Variants in LSAMP observed in about 807,000 individuals in gnomAD.
The protein encoded by LSAMP is limbic system associated membrane protein.
In LSAMP, 7 loss-of-function variants were observed where a neutral mutation model predicts 38.6. That is an observed-to-expected ratio of 0.18 (90% CI 0.10 to 0.34). LSAMP has a LOEUF of 0.34. LSAMP is among the 10% of genes least tolerant of loss of function. LSAMP has a pLI of 1.00. For synonymous variants in LSAMP, 154 were observed against 166.8 expected (o/e 0.92, Z 0.59); for missense variants, 313 against 420.0 (o/e 0.75, Z 2.23).
chr3:116,356,404 G>A (rs772177212), intron 1 of LSAMP, among the ~76,000 whole-genome samples: 1 of 152,178 alleles, frequency 6.6e-6, no homozygotes, highest in African/African-American at 2.4e-5. Context: ...ATAGAGAATA[G>A]AATGATGGTT....
At chr3:116,131,669 C>G (rs1471292148) in intron 1 of LSAMP, among the ~76,000 whole-genome samples, 1 of 152,038 alleles carries the variant, frequency 6.6e-6, no homozygotes, top group Non-Finnish European at 1.5e-5. Flanking sequence ...TTTCTTTTCA[C>G]TTACACAAAC....
chr3:116,444,498 C>A (rs35192256), intron 1 of LSAMP, among the ~76,000 whole-genome samples: 1 of 150,602 alleles, frequency 6.6e-6, no homozygotes, highest in Non-Finnish European at 1.5e-5. Context: ...AATTAAGGAC[C>A]CCCAACAAAA....
At chr3:116,368,949 G>C (rs1475971674) in intron 1 of LSAMP, among the ~76,000 whole-genome samples, 6 of 152,126 alleles carry the variant, frequency 3.9e-5, no homozygotes, top group Non-Finnish European at 7.4e-5. Flanking sequence ...TTGGTAAATA[G>C]AAATGAGATT....
chr3:115,871,504 A>C (rs562010208), intron 3 of LSAMP, among the ~76,000 whole-genome samples: 1 of 152,230 alleles, frequency 6.6e-6, no homozygotes, highest in East Asian at 1.9e-4. Context: ...CTGAAATGAA[A>C]GATACAAAGA....
At chr3:116,137,638 C>T (rs984406559) in intron 1 of LSAMP, among the ~76,000 whole-genome samples, 1 of 152,008 alleles carries the variant, frequency 6.6e-6, no homozygotes, top group South Asian at 2.1e-4. Flanking sequence ...TTTATGGCTA[C>T]CCCAGCTAAT....
intron 1 of LSAMP, among the ~76,000 whole-genome samples, chr3:116,166,815 C>T (rs1188323334): frequency 7.6e-5 from 9 of 118,846 alleles, no homozygotes; most frequent in Admixed American, 3.2e-4. Flanking sequence ...GAGACGGAGT[C>T]TCACTCTGTC....
intron 3 of LSAMP, among the ~76,000 whole-genome samples, chr3:115,899,314 CTGTT>C (rs1936810407): frequency 6.6e-6 from 1 of 152,004 alleles, no homozygotes; most frequent in South Asian, 2.1e-4. Context: ...TCTTTAACAC[CTGTT>C]TGTTTCAGAG....
chr3:115,890,849 G>A (rs980078286), intron 3 of LSAMP, among the ~76,000 whole-genome samples: 2 of 151,762 alleles, frequency 1.3e-5, no homozygotes, highest in Non-Finnish European at 2.9e-5. Context: ...ATTCATCCTA[G>A]ATATATAGAG....
At chr3:116,099,675 C>T (rs1040204838) in intron 1 of LSAMP, among the ~76,000 whole-genome samples, 3 of 152,118 alleles carry the variant, frequency 2.0e-5, no homozygotes, top group Non-Finnish European at 4.4e-5. Context: ...AAGTATTTGT[C>T]CTATGTAACC....
intron 1 of LSAMP, among the ~76,000 whole-genome samples, chr3:116,191,654 C>T (rs370478497): frequency 2.0e-5 from 3 of 151,544 alleles, no homozygotes; most frequent in Non-Finnish European, 4.4e-5. Context: ...ATCTAGTTTC[C>T]GGGTTTAGCT....
intron 6 of LSAMP, among the ~76,000 whole-genome samples, chr3:115,832,412 T>C (rs1934640588): frequency 6.6e-6 from 1 of 152,304 alleles, no homozygotes; most frequent in East Asian, 1.9e-4. Flanking sequence ...TGACAATATA[T>C]GATATTCAAT....
rs549811103 is a variant in LSAMP, at chr3:116,438,384, G to T, written c.155+6493C>A. Among the ~76,000 whole-genome samples the T allele has an allele frequency of 3.3e-5, 5 of 152,240 alleles. No homozygotes were observed. The South Asian group carries it at 1.0e-3, about 32-fold the overall frequency. ...GCTTGTGTAGTAGGCAAAAATAGTT[G>T]TCAGTTATCTTTATTTAATAAATTA... On this transcript the variant is annotated intron_variant, in intron 1 of 6. Transcript: ENST00000490035.
chr3:116,017,514 T>G (rs1940517122), intron 3 of LSAMP, among the ~76,000 whole-genome samples: 1 of 152,106 alleles, frequency 6.6e-6, no homozygotes. Flanking sequence ...ATAGCAGAAG[T>G]GTGATCTGAA....
At chr3:116,238,185 G>A (rs576938349) in intron 1 of LSAMP, among the ~76,000 whole-genome samples, 22 of 152,240 alleles carry the variant, frequency 1.4e-4, no homozygotes, top group East Asian at 7.7e-4. Context: ...TAGGATCCCC[G>A]TATTTATCAC....
At chr3:116,127,959 G>A (rs753735756) in intron 1 of LSAMP, among the ~76,000 whole-genome samples, 7 of 151,966 alleles carry the variant, frequency 4.6e-5, no homozygotes, top group Non-Finnish European at 8.8e-5. Flanking sequence ...TTGTTCATCA[G>A]GTTCTTCAAG....
chr3:116,201,503 C>T (rs1285917656), intron 1 of LSAMP, among the ~76,000 whole-genome samples: 1 of 152,174 alleles, frequency 6.6e-6, no homozygotes, highest in Non-Finnish European at 1.5e-5. Context: ...CCAGTCGCCA[C>T]AGCAGAATTC....
intron 3 of LSAMP, among the ~76,000 whole-genome samples, chr3:116,000,199 G>A (rs1576296414): frequency 2.0e-5 from 3 of 152,046 alleles, no homozygotes; most frequent in Non-Finnish European, 1.5e-5. Flanking sequence ...ACTGAGAATA[G>A]CAAAAATCTA....
intron 1 of LSAMP, among the ~76,000 whole-genome samples, chr3:116,325,626 T>C (rs1475335947): frequency 2.6e-5 from 4 of 152,198 alleles, no homozygotes; most frequent in Non-Finnish European, 2.9e-5. Context: ...TTCTACTTTC[T>C]TATCCTCAAA....
chr3:116,029,672 G>T (rs563971935), intron 2 of LSAMP, among the ~76,000 whole-genome samples: 1 of 152,208 alleles, frequency 6.6e-6, no homozygotes, highest in East Asian at 1.9e-4. Flanking sequence ...ACAATGTATG[G>T]TCAAGAAAAA....
Sources: gnomAD v4.1 joint callset for allele counts (sites outside exome capture counted in the v4.1 genomes callset) on GRCh38, gnomAD v4.1.1 for gene constraint, MANE v1.5 for transcripts, NCBI Gene and HGNC (gene_info 2026-07-23, HGNC 2026-07-21) for gene names.